PTPRC: variants seen among roughly 807,000 people sequenced by gnomAD.
The protein encoded by PTPRC is protein tyrosine phosphatase receptor type C, also known as receptor-type tyrosine-protein phosphatase C.
In PTPRC, 44 loss-of-function variants were observed where a neutral mutation model predicts 155.9. The ratio of observed to expected loss-of-function variants is 0.28; its 90% confidence interval spans 0.22 to 0.36. PTPRC has a LOEUF of 0.36. Among genes scored for constraint, PTPRC ranks in the 10% least tolerant of loss-of-function variants. PTPRC has a pLI of 1.00. For synonymous variants in PTPRC, 525 were observed against 533.1 expected (o/e 0.98, Z 0.21); for missense variants, 1,401 against 1,564.6 (o/e 0.90, Z 1.76).
At chr1:198,702,114 T>C (rs1666487911) in intron 5 of PTPRC, among the ~76,000 whole-genome samples, 1 of 152,238 alleles carries the variant, frequency 6.6e-6, no homozygotes, top group Admixed American at 6.5e-5. Context: ...AGTCTTAGGC[T>C]TCTTGGGCTG....
At chr1:198,731,252 A>G (rs1234386827) in intron 17 of PTPRC, among the ~76,000 whole-genome samples, 1 of 152,020 alleles carries the variant, frequency 6.6e-6, no homozygotes, top group Non-Finnish European at 1.5e-5. Context: ...ATGAAAATAC[A>G]AAGAAAAATA....
At chr1:198,692,800 G>T (rs1212510154) in intron 3 of PTPRC, 16 of 913,264 alleles carry the variant, frequency 1.8e-5, no homozygotes, top group Non-Finnish European at 2.1e-5. Flanking sequence ...AGAGTATGTT[G>T]CTTTTTTCAA....
At chr1:198,739,138 G>C (rs1654781369) in intron 23 of PTPRC, among the ~76,000 whole-genome samples, 1 of 149,918 alleles carries the variant, frequency 6.7e-6, no homozygotes, top group South Asian at 2.2e-4. Flanking sequence ...TCACTTAAAG[G>C]AAGACAGGAA....
At chr1:198,682,257 A>G (rs1665375555) in intron 2 of PTPRC, among the ~76,000 whole-genome samples, 1 of 152,224 alleles carries the variant, frequency 6.6e-6, no homozygotes, top group Non-Finnish European at 1.5e-5. Context: ...AAAGGGAAAT[A>G]AGAAGAAATA....
chr1:198,732,115 G>A (rs1327931989), intron 18 of PTPRC, among the ~76,000 whole-genome samples, 185 bp from the exon 19 acceptor site: 1 of 151,478 alleles, frequency 6.6e-6, no homozygotes, highest in African/African-American at 2.4e-5. Flanking sequence ...TCATTAATTT[G>A]TAAGAAAAAA....
In PTPRC at chr1:198,744,071, C is replaced by T. The variant is rs1445615606; in HGVS notation, c.2715C>T (p.Ile905=). The change falls in exon 26 of 33, where the codon ATC becomes ATT. Residue 905 remains isoleucine, a synonymous_variant. Coordinates refer to ENST00000442510, the MANE Select transcript of PTPRC (RefSeq NM_002838.5). ...MVQVEAQYIL[I]HQALVEYNQF... ...AATTGTAGGCCCAGTACATCTTGAT[C>T]CATCAGGCTTTGGTGGAATACAATC... is the stretch of plus-strand genomic sequence containing the variant. 6.2e-6 allele frequency: 10 copies of T among 1,604,972 alleles called. No individual in the cohort carries two copies. The highest frequency in any genetic ancestry group is 1.3e-5 in the African/African-American group (1 of 74,526).
intron 2 of PTPRC, among the ~76,000 whole-genome samples, chr1:198,675,535 A>G (rs983793769): frequency 6.6e-6 from 1 of 152,172 alleles, no homozygotes; most frequent in East Asian, 1.9e-4. Context: ...GCAAAAAGTG[A>G]TAAATCTATA....
chr1:198,715,286 C>A (rs553574893), intron 12 of PTPRC, among the ~76,000 whole-genome samples: 1 of 151,972 alleles, frequency 6.6e-6, no homozygotes, highest in Non-Finnish European at 1.5e-5. Flanking sequence ...CCACGCCCGG[C>A]TAATTTTTTT....
chr1:198,714,913 G>GA (rs141978817), intron 12 of PTPRC, among the ~76,000 whole-genome samples: 2 of 152,044 alleles, frequency 1.3e-5, no homozygotes, highest in East Asian at 3.9e-4. Flanking sequence ...TAAAAGAGGA[G>GA]AAAAAATGCA....
At position 198,721,486 on chromosome 1, in the gene PTPRC, A is replaced by G. The variant is rs184970710; in HGVS notation, c.1660-930A>G. 2.6e-5 allele frequency among the ~76,000 whole-genome samples: 4 copies of G among 152,274 alleles called. No individual in the cohort carries two copies. In the East Asian group the frequency reaches 5.8e-4, roughly 22 times the overall value. On this transcript the variant is annotated intron_variant, in intron 14 of 32. Coordinates refer to ENST00000442510, the MANE Select transcript of PTPRC (RefSeq NM_002838.5). ...AAGGCCTTCACATGAAATGTAATCA[A>G]TGATTCTTAAAGTAAAACATTTTGA...
At chr1:198,681,570 G>C (rs916509563) in intron 2 of PTPRC, among the ~76,000 whole-genome samples, 5 of 152,118 alleles carry the variant, frequency 3.3e-5, no homozygotes, top group Admixed American at 2.6e-4. Context: ...AGTGGTAAAG[G>C]AATGTGAGTT....
chr1:198,673,424 C>T (rs1255370173), intron 2 of PTPRC, among the ~76,000 whole-genome samples: 3 of 152,032 alleles, frequency 2.0e-5, no homozygotes, highest in Non-Finnish European at 4.4e-5. Context: ...ATTATACATA[C>T]TTCATATTAT....
intron 29 of PTPRC, among the ~76,000 whole-genome samples, chr1:198,751,448 T>A (rs1655379227): frequency 6.6e-6 from 1 of 152,028 alleles, no homozygotes; most frequent in African/African-American, 2.4e-5. Flanking sequence ...TTATGCTTTT[T>A]TATGCCCCTC....
Position 198,690,370 on chromosome 1 carries a change from G to T in PTPRC, c.74-1977G>T, listed in dbSNP as rs1665862021. Among the ~76,000 whole-genome samples, 4 of 151,768 alleles carry T rather than the reference G, an allele frequency of 2.6e-5. No homozygotes were observed. The South Asian group carries it at 8.3e-4, about 32-fold the overall frequency. On this transcript the variant is annotated intron_variant, in intron 2 of 32. Coordinates refer to ENST00000442510, the MANE Select transcript of PTPRC (RefSeq NM_002838.5). The stretch of plus-strand genomic sequence containing the variant: ...AAGGAGAGCGGAATGCTGTTAATGG[G>T]AACATAAACATAACAATAGTTTACA...
rs1347281968 is a variant in PTPRC at position 198,703,294 on chromosome 1, G to A, written c.584-4G>A. On this transcript the variant is annotated splice_polypyrimidine_tract_variant and splice_region_variant and intron_variant, in intron 6 of 32. Transcript: ENST00000442510. The stretch of plus-strand genomic sequence containing the variant: ...CTTTTATTCTTCTATTCATTTTCTT[G>A]CAGATGCCTACCTTAATGCCTCTGA... 1.1e-5 allele frequency: 18 copies of A among 1,612,658 alleles called. No individual in the cohort carries two copies. The highest frequency in any genetic ancestry group is 1.4e-5 in the Non-Finnish European group (16 of 1,180,006).
At chr1:198,663,422 C>A (rs534109256) in intron 2 of PTPRC, among the ~76,000 whole-genome samples, 1 of 152,284 alleles carries the variant, frequency 6.6e-6, no homozygotes, top group South Asian at 2.1e-4. Flanking sequence ...TGTAAAAGGG[C>A]ACAGGTGCAT....
intron 2 of PTPRC, among the ~76,000 whole-genome samples, chr1:198,650,443 A>G (rs1663183267): frequency 6.6e-6 from 1 of 151,820 alleles, no homozygotes; most frequent in Admixed American, 6.6e-5. Context: ...GAAAGAAAGG[A>G]AAGACTGACA....
At chr1:198,713,416 T>C (rs898776736) in intron 12 of PTPRC, among the ~76,000 whole-genome samples, 2 of 137,784 alleles carry the variant, frequency 1.5e-5, no homozygotes, top group African/African-American at 5.1e-5. Context: ...TCATTCAGCC[T>C]CCTAAACAAA....
intron 2 of PTPRC, among the ~76,000 whole-genome samples, chr1:198,689,101 A>G (rs947583027): frequency 6.6e-6 from 1 of 152,214 alleles, no homozygotes; most frequent in Non-Finnish European, 1.5e-5. Context: ...AAATCATTAG[A>G]AACAGTCTTC....
Sources: allele counts gnomAD v4.1 joint callset (sites outside exome capture counted in the v4.1 genomes callset), GRCh38; gene constraint gnomAD v4.1.1; transcripts MANE v1.5; gene names NCBI Gene and HGNC (gene_info 2026-07-23, HGNC 2026-07-21).